Variants in CYP3A5 observed in about 807,000 individuals in gnomAD.
CYP3A5 encodes the protein cytochrome P450 family 3 subfamily A member 5.
In CYP3A5, 51 loss-of-function variants were observed where a neutral mutation model predicts 55.9. That is an observed-to-expected ratio of 0.91 (90% confidence interval 0.73 to 1.15). CYP3A5 has a LOEUF of 1.15. Among genes scored for constraint, CYP3A5 ranks in the 50% most tolerant of loss-of-function variants. The pLI, the probability that CYP3A5 is intolerant of heterozygous loss-of-function variation, is 0.00. For missense variants in CYP3A5, 533 were observed against 596.6 expected (o/e 0.89, Z 1.11); for synonymous variants, 196 against 213.9 (o/e 0.92, Z 0.73).
chr7:99,673,287 G>A (rs1811865996), intron 3 of CYP3A5, among the ~76,000 whole-genome samples: 1 of 152,170 alleles, frequency 6.6e-6, no homozygotes. Context: ...AAGAGGCAAA[G>A]CTTTCTCCCA....
intron 2 of CYP3A5, 36 bp downstream of exon 2, chr7:99,676,079 C>A: frequency 6.3e-7 from 1 of 1,580,854 alleles, no homozygotes; most frequent in African/African-American, 1.3e-5. Context: ...ATGTTTGCAA[C>A]CATAAGAAGC....
intron 10 of CYP3A5, among the ~76,000 whole-genome samples, chr7:99,657,623 A>G (rs970188560): frequency 1.3e-5 from 2 of 152,186 alleles, no homozygotes; most frequent in African/African-American, 2.4e-5. Context: ...GCTGAGTTCA[A>G]TTCCTGGATA....
intron 10 of CYP3A5, among the ~76,000 whole-genome samples, chr7:99,654,329 G>A (rs1248942052): frequency 6.6e-6 from 1 of 152,110 alleles, no homozygotes; most frequent in East Asian, 1.9e-4. Context: ...AGAACATACA[G>A]TGTTTGGTTT....
rs767317522 is a variant in CYP3A5, at chr7:99,666,975, AG to A, written c.408del (p.Phe137SerfsTer21). 27 of 1,613,920 alleles carry A rather than the reference AG, an allele frequency of 1.7e-5. No individual in the cohort carries two copies. Among genetic ancestry groups the A allele is most frequent in the Admixed American group, 1.5e-4 (9 of 59,996 alleles). ...WKRIRSLLSP[T>X]FTSGKLKEMF... is the part of the protein sequence containing the mutation. ...ACCTCCTTGAGTTTTCCGCTGGTGAAGGTTGGAGACAGCAATGACCGTATTC... is the reference window on the plus strand; with the variant it reads ...ACCTCCTTGAGTTTTCCGCTGGTGAAGTTGGAGACAGCAATGACCGTATTC... On this transcript the variant is annotated frameshift_variant, in exon 5 of 13. Transcript: ENST00000222982. LOFTEE classifies it high-confidence loss of function.
rs565999525 is a variant in CYP3A5, at chr7:99,669,473, A to G, written c.319-2408T>C. On this transcript the variant is annotated intron_variant, in intron 4 of 12. Transcript: ENST00000222982. ...AAAACCATTTACTGATGGTGAGTTT[A>G]TTAAGCAATGTCTGGAAGATGTGGT... is the stretch of plus-strand genomic sequence containing the variant. Among the ~76,000 whole-genome samples the G allele has an allele frequency of 6.6e-5, 10 of 152,376 alleles. No individual in the cohort carries two copies. The South Asian group carries it at 2.1e-3, about 32-fold the overall frequency.
intron 11 of CYP3A5, among the ~76,000 whole-genome samples, chr7:99,650,694 T>C (rs989502334): frequency 5.9e-5 from 9 of 152,154 alleles, no homozygotes; most frequent in African/African-American, 1.9e-4. Flanking sequence ...GTCATCTCTT[T>C]TTTTCTAATT....
In CYP3A5 at chr7:99,650,212, C is replaced by T. The variant is rs933211993; in HGVS notation, c.1274G>A (p.Ser425Asn). The T allele has an allele frequency of 6.2e-7, 1 of 1,613,806 alleles. No individual in the cohort carries two copies. Among genetic ancestry groups the T allele is most frequent in the Non-Finnish European group, 8.5e-7 (1 of 1,179,834 alleles). Residue 425 changes from serine to asparagine, a missense_variant, in exon 12 of 13, where the codon AGC becomes AAC. By Grantham distance (46) the Ser-to-Asn change is conservative. Transcript: ENST00000222982. ...RPERFSKKKD[S>N]IDPYIYTPFG... Reference sequence around the variant, plus strand: ...GGGTGTGTATATGTAAGGATCTATGCTGTCCTTCTTCTTACTGAACCTAGT... The same window carrying T: ...GGGTGTGTATATGTAAGGATCTATGTTGTCCTTCTTCTTACTGAACCTAGT...
intron 11 of CYP3A5, 130 bp downstream of exon 11, chr7:99,652,423 T>A: frequency 6.7e-5 from 41 of 613,388 alleles, no homozygotes; most frequent in East Asian, 1.2e-4. Context: ...TAATTATCAC[T>A]TTTTTGTGAT....
chr7:99,649,080 G>C (rs558498996), intron 12 of CYP3A5, among the ~76,000 whole-genome samples: 1 of 152,294 alleles, frequency 6.6e-6, no homozygotes, highest in East Asian at 1.9e-4. Context: ...TCTGATCTCA[G>C]TTCAGTGAGG....
At chr7:99,650,632 G>C (rs1809080993) in intron 11 of CYP3A5, among the ~76,000 whole-genome samples, 1 of 152,164 alleles carries the variant, frequency 6.6e-6, no homozygotes, top group Non-Finnish European at 1.5e-5. Context: ...AAAGGAGAAG[G>C]AGAAAACGTC....
chr7:99,674,433 A>G, intron 3 of CYP3A5, 100 bp downstream of exon 3: 1 of 843,948 alleles, frequency 1.2e-6, no homozygotes, highest in Non-Finnish European at 1.9e-6. Flanking sequence ...TAGGTTGACA[A>G]GAGCTTCATC....
At chr7:99,672,731 T>C in intron 3 of CYP3A5, 52 bp from the exon 4 acceptor site, 2 of 1,611,058 alleles carry the variant, frequency 1.2e-6, no homozygotes, top group African/African-American at 2.7e-5. Flanking sequence ...ATTCTGCAGC[T>C]GGAGCCACAC....
At chr7:99,661,387 C>T (rs947981590) in intron 9 of CYP3A5, among the ~76,000 whole-genome samples, 3 of 152,154 alleles carry the variant, frequency 2.0e-5, no homozygotes, top group Admixed American at 6.5e-5. Flanking sequence ...AATACAAGAT[C>T]TAGGGTACAG....
Position 99,666,648 on chromosome 7 carries a change from T to A in CYP3A5, c.474A>T (p.Arg158Ser). Residue 158 changes from arginine (R) to serine (S), a missense_variant, in exon 6 of 13, where the codon AGA becomes AGT. Transcript: ENST00000222982. Reference sequence around the variant, plus strand: ...CTTTCTCTGCTTCCCGCCTCAAGTTTCTCACCAATACATCTCCATACTGGG... The same window carrying A: ...CTTTCTCTGCTTCCCGCCTCAAGTTACTCACCAATACATCTCCATACTGGG... ...IIAQYGDVLV[R>S]NLRREAEKGK... The A allele has an allele frequency of 6.2e-7, 1 of 1,614,036 alleles. No homozygotes were observed. Among genetic ancestry groups the A allele is most frequent in the Non-Finnish European group, 8.5e-7 (1 of 1,179,950 alleles).
chr7:99,663,274 T>A (rs1217640545), intron 8 of CYP3A5: 23 of 1,004,460 alleles, frequency 2.3e-5, no homozygotes, highest in African/African-American at 3.5e-5. Flanking sequence ...TAGATTAATC[T>A]CCTGACATTT....
intron 4 of CYP3A5, among the ~76,000 whole-genome samples, chr7:99,667,282 T>G (rs1224644565): frequency 6.6e-6 from 1 of 152,224 alleles, no homozygotes; most frequent in Non-Finnish European, 1.5e-5. Context: ...CCCAGCCATC[T>G]GGTGTGGTCT....
At position 99,663,972 on chromosome 7, in the gene CYP3A5, T is replaced by A; in HGVS notation, c.794A>T (p.Gln265Leu). ...TTAACCACCATCAGATTTTACCTTT[T>A]GTTTGTCGTTGAGGCGACTTTTCTT... ...RMKKSRLNDK[Q>L]KHRLDFLQLM... The change falls in exon 8 of 13, where the codon CAA becomes CTA. Residue 265 changes from glutamine to leucine, a missense_variant. By Grantham distance (113) the Gln-to-Leu change is moderately radical. Transcript: ENST00000222982. The A allele has an allele frequency of 6.3e-7, 1 of 1,581,456 alleles. No individual in the cohort carries two copies.
chr7:99,663,605 A>G, intron 8 of CYP3A5: 13 of 998,954 alleles, frequency 1.3e-5, no homozygotes, highest in Non-Finnish European at 1.5e-5. Context: ...ACTTAAAATG[A>G]TTCTTTACCA....
At position 99,662,953 on chromosome 7, in the gene CYP3A5, T is replaced by C; in HGVS notation, c.799-71A>G. 1.3e-6 allele frequency: 2 copies of C among 1,595,770 alleles called. No individual in the cohort carries two copies. The highest frequency in any genetic ancestry group is 4.5e-5 in the East Asian group (2 of 44,380). On this transcript the variant is annotated intron_variant, in intron 8 of 12. Transcript: ENST00000222982. This position sits in a 1 kb window ranked among gnomAD's most constrained non-coding sequence, Gnocchi z 4.3. ...AGTCAGAAGTAAATCAAAAGTGCAGTCCTCAACCTCCCTTCTTGACTTCCC... is the reference window on the plus strand; with the variant it reads ...AGTCAGAAGTAAATCAAAAGTGCAGCCCTCAACCTCCCTTCTTGACTTCCC...
Sources: gnomAD v4.1 joint callset for allele counts (sites outside exome capture counted in the v4.1 genomes callset) on GRCh38, gnomAD v4.1.1 for gene constraint, Gnocchi (gnomAD v3.1) non-coding constraint, MANE v1.5 for transcripts, NCBI Gene and HGNC (gene_info 2026-07-23, HGNC 2026-07-21) for gene names.